The following SPOCK1 variants were observed in gnomAD, a reference collection of about 807,000 sequenced individuals.
The protein encoded by SPOCK1 is SPARC (osteonectin), cwcv and kazal like domains proteoglycan 1.
Under a neutral mutation model 55.3 loss-of-function variants are expected in SPOCK1, and 23 were observed. The ratio of observed to expected loss-of-function variants is 0.42; its 90% CI spans 0.30 to 0.59. SPOCK1 has a LOEUF of 0.59. Among genes scored for constraint, SPOCK1 ranks in the 20% least tolerant of loss-of-function variants. The probability of loss-of-function intolerance (pLI) is 0.22; values close to 1 mark genes in which losing one functional copy is unlikely to be tolerated. For synonymous variants in SPOCK1, 226 were observed against 221.0 expected (o/e 1.02, Z -0.20); for missense variants, 499 against 552.5 (o/e 0.90, Z 0.97).
intron 9 of SPOCK1, among the ~76,000 whole-genome samples, chr5:136,980,859 G>T (rs1750715619): frequency 6.6e-6 from 1 of 152,028 alleles, no homozygotes; most frequent in Admixed American, 6.6e-5. Context: ...CTTTTTTGAA[G>T]AATTTGCCCA....
intron 3 of SPOCK1, among the ~76,000 whole-genome samples, chr5:137,152,800 C>T (rs918122250): frequency 3.9e-5 from 6 of 152,130 alleles, no homozygotes; most frequent in Non-Finnish European, 7.3e-5. Flanking sequence ...TTAATTTATA[C>T]GGACAACCCA....
intron 5 of SPOCK1, among the ~76,000 whole-genome samples, chr5:137,110,713 A>G (rs1753451167): frequency 6.6e-6 from 1 of 152,218 alleles, no homozygotes; most frequent in African/African-American, 2.4e-5. Flanking sequence ...AACTCACAGA[A>G]CAGGTCTGGA....
At chr5:137,304,073 T>G (rs75193185) in intron 2 of SPOCK1, among the ~76,000 whole-genome samples, 1 of 87,174 alleles carries the variant, frequency 1.1e-5, no homozygotes, top group Admixed American at 1.3e-4. Context: ...GGGTTTTTTT[T>G]TTTTTTTTTG....
chr5:137,224,604 G>C (rs962618250), intron 3 of SPOCK1, among the ~76,000 whole-genome samples: 1 of 152,220 alleles, frequency 6.6e-6, no homozygotes, highest in African/African-American at 2.4e-5. Flanking sequence ...CCTGAAAGTA[G>C]CAAGCTGAAG....
intron 2 of SPOCK1, among the ~76,000 whole-genome samples, chr5:137,403,871 G>A (rs1752038146): frequency 6.6e-6 from 1 of 152,140 alleles, no homozygotes; most frequent in African/African-American, 2.4e-5. Flanking sequence ...TCCTCTGAGG[G>A]AAATGGGGGC....
intron 2 of SPOCK1, among the ~76,000 whole-genome samples, chr5:137,400,289 TA>T (rs1284127165): frequency 2.6e-5 from 4 of 152,128 alleles, no homozygotes; most frequent in Non-Finnish European, 4.4e-5. Context: ...ACAGAGACTG[TA>T]CCAAGCCAGC....
chr5:137,128,055 C>A (rs1179669060), intron 4 of SPOCK1, among the ~76,000 whole-genome samples: 2 of 152,084 alleles, frequency 1.3e-5, no homozygotes, highest in African/African-American at 4.8e-5. Context: ...GGAGGTGAAG[C>A]CTTTGGACAG....
intron 2 of SPOCK1, among the ~76,000 whole-genome samples, chr5:137,456,087 G>C (rs868138906): frequency 6.6e-6 from 1 of 152,130 alleles, no homozygotes; most frequent in Middle Eastern, 3.4e-3. Flanking sequence ...AAAGCAGGAG[G>C]AGGAGGAAAA....
intron 2 of SPOCK1, among the ~76,000 whole-genome samples, chr5:137,294,000 C>G (rs960657468): frequency 1.1e-4 from 17 of 152,116 alleles, no homozygotes; most frequent in Non-Finnish European, 8.8e-5. Context: ...GGTGACAGAG[C>G]GACACTCCAT....
chr5:137,071,174 T>C (rs1561598517), intron 5 of SPOCK1, among the ~76,000 whole-genome samples: 1 of 151,950 alleles, frequency 6.6e-6, no homozygotes, highest in Non-Finnish European at 1.5e-5. Context: ...AGACATGTTT[T>C]GTAGAGATAG....
In SPOCK1 at chr5:137,067,633, C is replaced by T. The variant is rs756522; in HGVS notation, c.589+82G>A. 0.011 allele frequency: 13,918 copies of T among 1,214,544 alleles called. 728 individuals carry two copies. In the East Asian group the frequency reaches 0.14, roughly 12 times the overall value. 75.2% of individuals were successfully genotyped at this position (1,214,544 alleles called of 1,614,324 possible). Reference sequence around the variant, plus strand: ...TCATTTCTCCAGTTTGTTCCTAGTGCCTGGGACAGAGCTCGGCCACATCAA... The same window carrying T: ...TCATTTCTCCAGTTTGTTCCTAGTGTCTGGGACAGAGCTCGGCCACATCAA... On this transcript the variant is annotated intron_variant, in intron 6 of 10. Coordinates refer to ENST00000394945, the MANE Select transcript of SPOCK1 (RefSeq NM_004598.4).
Position 136,979,337 on chromosome 5 carries a change from C to G in SPOCK1, c.1124G>C (p.Ser375Thr), listed in dbSNP as rs1442192777. The G allele has an allele frequency of 6.2e-7, 1 of 1,613,966 alleles. No individual in the cohort carries two copies. Among genetic ancestry groups the G allele is most frequent in the African/African-American group, 1.3e-5 (1 of 74,944 alleles). The part of the protein sequence containing the change: ...LAGSRKQGAV[S>T]CEEEQETSGD... ...ATGCAGGAGGCCTTACTCACCACAG[C>G]TCACAGCACCCTGTTTCCTGGAGCC... Residue 375 changes from serine to threonine, a missense_variant, in exon 10 of 11, where the codon AGC (serine) becomes ACC (threonine). Ser to Thr is a moderately conservative substitution (Grantham distance 58, BLOSUM62 1). Around this residue, in one of 3 missense-constraint regions of SPOCK1, gnomAD observed 83 missense variants for 87.5 expected, o/e 0.95. Transcript: ENST00000394945.
At chr5:137,059,656 C>A (rs1320295172) in intron 6 of SPOCK1, among the ~76,000 whole-genome samples, 1 of 152,154 alleles carries the variant, frequency 6.6e-6, no homozygotes, top group African/African-American at 2.4e-5. Context: ...TAGACATCAA[C>A]AGAGTAAATA....
At chr5:137,176,721 CAGGCTGA>C (rs1187618130) in intron 3 of SPOCK1, among the ~76,000 whole-genome samples, 1 of 152,264 alleles carries the variant, frequency 6.6e-6, no homozygotes, top group East Asian at 1.9e-4. Context: ...AGGGGCCAGA[CAGGCTGA>C]AGGCTGGCAT....
chr5:137,203,084 T>C (rs1193692203), intron 3 of SPOCK1, among the ~76,000 whole-genome samples: 1 of 152,214 alleles, frequency 6.6e-6, no homozygotes, highest in Non-Finnish European at 1.5e-5. Flanking sequence ...ATTTTGTGCT[T>C]AATGAGTACA....
intron 2 of SPOCK1, among the ~76,000 whole-genome samples, chr5:137,489,191 C>T (rs1419331346): frequency 6.6e-6 from 1 of 152,184 alleles, no homozygotes; most frequent in African/African-American, 2.4e-5. Flanking sequence ...CACACACTCC[C>T]CATGTGGTGC....
At chr5:137,356,838 T>TAGAGAGAG (rs1177060339) in intron 2 of SPOCK1, among the ~76,000 whole-genome samples, 170 of 5,434 alleles carry the variant, frequency 0.031, 30 homozygotes, top group Non-Finnish European at 0.039. Context: ...TATATATATA[T>TAGAGAGAG]AGAGAGAGAG....
chr5:137,080,624 T>A (rs1158765453), intron 5 of SPOCK1, among the ~76,000 whole-genome samples: 6 of 150,976 alleles, frequency 4.0e-5, no homozygotes, highest in Non-Finnish European at 7.4e-5. Context: ...CCCAGATGTA[T>A]CCCAGGCACA....
At position 137,229,891 on chromosome 5, in the gene SPOCK1, C is replaced by T. The variant is rs545380663; in HGVS notation, c.232+37119G>A. On this transcript the variant is annotated intron_variant, in intron 3 of 10. Transcript: ENST00000394945. ...GAATCTAATACCGCAACTGATCTGA[C>T]AGGAGGCAGAGCTCAGGCAGTAAGG... Among the ~76,000 whole-genome samples, 76 of 152,284 alleles carry T rather than the reference C, an allele frequency of 5.0e-4. 1 individual carries two copies. The highest frequency in any genetic ancestry group is 1.7e-3 in the Admixed American group (26 of 15,298).
Sources: gnomAD v4.1 joint callset for allele counts (sites outside exome capture counted in the v4.1 genomes callset) on GRCh38, gnomAD v4.1.1 for gene constraint, gnomAD v4.1.1 regional missense constraint, MANE v1.5 for transcripts, NCBI Gene and HGNC (gene_info 2026-07-23, HGNC 2026-07-21) for gene names.